GALM: variants seen among roughly 807,000 people sequenced by gnomAD.
GALM encodes galactose mutarotase.
GALM carries 43 observed loss-of-function variants against 37.4 expected under a neutral mutation model. The ratio of observed to expected loss-of-function variants is 1.15; its 90% CI spans 0.90 to 1.48. GALM has a LOEUF of 1.48. Ranked by LOEUF, GALM falls within the 40% of genes most tolerant of loss-of-function variation. The pLI is 0.00. For missense variants in GALM, 456 were observed against 419.1 expected (o/e 1.09, Z -0.77); for synonymous variants, 199 against 170.6 (o/e 1.17, Z -1.30).
chr2:38,690,861 T>A lies in GALM; in HGVS notation c.634+967T>A, dbSNP rs566366180. Among the ~76,000 whole-genome samples, 31 of 152,342 alleles carry A rather than the reference T, an allele frequency of 2.0e-4. No individual in the cohort carries two copies. The Middle Eastern group carries it at 0.014, about 67-fold the overall frequency. ...TAACAGCAGGCATTAGGAACTCCCA[T>A]AAATATAGTGACTACAAAACTAATT... On this transcript the variant is annotated intron_variant, in intron 4 of 6. Coordinates refer to ENST00000272252, the MANE Select transcript of GALM (RefSeq NM_138801.3).
chr2:38,673,293 G>A (rs1665161905), intron 1 of GALM, among the ~76,000 whole-genome samples: 1 of 152,184 alleles, frequency 6.6e-6, no homozygotes, highest in Non-Finnish European at 1.5e-5. Context: ...CAGATACAGA[G>A]TACCACGGGA....
At chr2:38,713,355 G>A (rs530063326) in intron 4 of GALM, among the ~76,000 whole-genome samples, 12 of 152,258 alleles carry the variant, frequency 7.9e-5, no homozygotes, top group African/African-American at 2.9e-4. Context: ...CCTAACGGCA[G>A]ATCTAGAAAG....
chr2:38,702,838 T>A (rs569312055), intron 4 of GALM, among the ~76,000 whole-genome samples: 3 of 149,780 alleles, frequency 2.0e-5, no homozygotes, highest in Non-Finnish European at 3.0e-5. Flanking sequence ...ATTGCTTATT[T>A]TGCCCCCAGC....
chr2:38,681,499 G>C lies in GALM; in HGVS notation c.552+13G>C, dbSNP rs1453247619. 1.2e-6 allele frequency: 2 copies of C among 1,604,914 alleles called. No homozygotes were observed. Among genetic ancestry groups the C allele is most frequent in the South Asian group, 2.2e-5 (2 of 90,844 alleles). ...CCTGGCAGGCCAGGTAAGTGAACTT[G>C]TTTCTTCTTTCCTGCTTCGTGCTTT... On this transcript the variant is annotated intron_variant, in intron 3 of 6. Transcript: ENST00000272252.
chr2:38,676,159 A>C, intron 2 of GALM, 93 bp downstream of exon 2: 1 of 1,294,848 alleles, frequency 7.7e-7, no homozygotes, highest in Non-Finnish European at 1.1e-6. Flanking sequence ...AGAGCACATG[A>C]GTGGTGAGAT....
chr2:38,691,633 G>A lies in GALM; in HGVS notation c.634+1739G>A, dbSNP rs375003406. 6.5e-3 allele frequency among the ~76,000 whole-genome samples: 994 copies of A among 151,878 alleles called. 14 individuals carry two copies. The highest frequency in any genetic ancestry group is 0.022 in the African/African-American group (901 of 41,418). ...CAGGAGTTGGAGGCTGCAGTGAGCC[G>A]TGATCTCTGCTGCACTCTACCCTGG... On this transcript the variant is annotated intron_variant, in intron 4 of 6. Transcript: ENST00000272252.
At chr2:38,718,365 AT>A (rs1201952904) in intron 4 of GALM, among the ~76,000 whole-genome samples, 2 of 150,766 alleles carry the variant, frequency 1.3e-5, no homozygotes, top group Non-Finnish European at 2.9e-5. Flanking sequence ...CGCCCAGCTA[AT>A]TTTTGTATTT....
chr2:38,734,394 AAAAAAAAAAG>A lies in GALM; in HGVS notation c.*830_*839del, dbSNP rs1666665013. On this transcript the variant is annotated 3_prime_UTR_variant, in exon 7 of 7. Coordinates refer to ENST00000272252, the MANE Select transcript of GALM (RefSeq NM_138801.3). ...GCAAAACTCGATCTCAAAAAAAAAA[AAAAAAAAAAG>A]GAAAAAAAAGCAGCTCTCTCTCTCG... 1.3e-5 allele frequency: 2 copies of A among 151,468 alleles called. No homozygotes were observed. The highest frequency in any genetic ancestry group is 4.9e-5 in the African/African-American group (2 of 41,126). The allele number at this position is 151,468 out of a possible 1,614,324, so 9.4% of individuals were successfully genotyped here. A position where few individuals can be genotyped will look rare whatever the true frequency, so the allele number is the denominator to read the frequency against.
chr2:38,698,569 T>C (rs1665857287), intron 4 of GALM: 1 of 367,148 alleles, frequency 2.7e-6, no homozygotes, highest in Non-Finnish European at 5.2e-6. Flanking sequence ...CTCCATAGGA[T>C]GGGAGCACAC....
At position 38,666,260 on chromosome 2, in the gene GALM, C is replaced by T; in HGVS notation, c.99C>T (p.Ile33=). ...AGTCAGACCTCTTGAGAGTGGACAT[C>T]ATCTCCTGGGGCTGCACGATCACAG... ...QLQSDLLRVD[I]ISWGCTITAL... The change falls in exon 1 of 7, where the codon ATC becomes ATT. Residue 33 remains isoleucine, a synonymous_variant. Coordinates refer to ENST00000272252, the MANE Select transcript of GALM (RefSeq NM_138801.3). 6.2e-7 allele frequency: 1 copy of T among 1,613,958 alleles called. No homozygotes were observed. Among genetic ancestry groups the T allele is most frequent in the Non-Finnish European group, 8.5e-7 (1 of 1,179,810 alleles).
At chr2:38,690,238 A>G (rs1390859042) in intron 4 of GALM, among the ~76,000 whole-genome samples, 5 of 152,110 alleles carry the variant, frequency 3.3e-5, no homozygotes, top group African/African-American at 4.8e-5. Flanking sequence ...TTGAGAGGCC[A>G]AGGCGGTTGG....
At chr2:38,702,374 C>G (rs1665937121) in intron 4 of GALM, among the ~76,000 whole-genome samples, 1 of 151,778 alleles carries the variant, frequency 6.6e-6, no homozygotes, top group South Asian at 2.1e-4. Flanking sequence ...AAAAATTGAA[C>G]ATTTCACTGG....
intron 4 of GALM, among the ~76,000 whole-genome samples, chr2:38,706,980 C>T (rs533398697): frequency 6.6e-6 from 1 of 151,668 alleles, no homozygotes; most frequent in East Asian, 2.0e-4. Flanking sequence ...AGGTAAAACT[C>T]AGGAGGCCTG....
chr2:38,722,836 C>T (rs1013238120), intron 4 of GALM, among the ~76,000 whole-genome samples: 2 of 152,126 alleles, frequency 1.3e-5, no homozygotes, highest in Admixed American at 1.3e-4. Context: ...GTGACCAAGT[C>T]GGACACTCCA....
intron 4 of GALM, among the ~76,000 whole-genome samples, chr2:38,703,415 G>T (rs1220602587): frequency 6.6e-6 from 1 of 151,428 alleles, no homozygotes; most frequent in Non-Finnish European, 1.5e-5. Flanking sequence ...CTTAAACACG[G>T]TATATTAGCC....
intron 4 of GALM, among the ~76,000 whole-genome samples, chr2:38,706,414 C>A (rs1246986042): frequency 6.6e-6 from 1 of 150,628 alleles, no homozygotes; most frequent in Admixed American, 6.6e-5. Flanking sequence ...GTGGCTCACA[C>A]CTGTAATCCC....
In GALM at chr2:38,718,831, A is replaced by C. The variant is rs150532562; in HGVS notation, c.635-10725A>C. ...TGTTCCTCTTCTCAGAGAGTCAGGC[A>C]TGAGGGCCACCAGGCAGGGGAAAAA... On this transcript the variant is annotated intron_variant, in intron 4 of 6. Transcript: ENST00000272252. Among the ~76,000 whole-genome samples, 301 of 152,012 alleles carry C rather than the reference A, an allele frequency of 2.0e-3. 7 individuals are homozygous for C. Among genetic ancestry groups the C allele is most frequent in the Middle Eastern group, 0.01 (3 of 294 alleles).
chr2:38,708,233 A>G (rs1428704232), intron 4 of GALM, among the ~76,000 whole-genome samples: 2 of 151,974 alleles, frequency 1.3e-5, no homozygotes, highest in Non-Finnish European at 2.9e-5. Context: ...CCAGAGAGCT[A>G]GGGGCTACAG....
intron 4 of GALM, among the ~76,000 whole-genome samples, chr2:38,696,221 G>C (rs1665801530): frequency 6.6e-6 from 1 of 151,970 alleles, no homozygotes; most frequent in South Asian, 2.1e-4. Context: ...CCGGGTTCAA[G>C]CGATTCTCCT....
Sources: gnomAD v4.1 joint callset for allele counts (sites outside exome capture counted in the v4.1 genomes callset) on GRCh38, gnomAD v4.1.1 for gene constraint, MANE v1.5 for transcripts, NCBI Gene and HGNC (gene_info 2026-07-23, HGNC 2026-07-21) for gene names.